ARHGAP42: variants seen among roughly 807,000 people sequenced by gnomAD.
ARHGAP42 encodes rho GTPase-activating protein 42.
ARHGAP42 carries 63 observed loss-of-function variants against 125.0 expected under a neutral mutation model. The ratio of observed to expected loss-of-function variants is 0.50; its 90% confidence interval spans 0.41 to 0.62. The LOEUF (loss-of-function observed/expected upper bound fraction) is 0.62. Among genes scored for constraint, ARHGAP42 ranks in the 20% least tolerant of loss-of-function variants. The probability of loss-of-function intolerance (pLI) is 0.00; values close to 1 mark genes in which losing one functional copy is unlikely to be tolerated. For synonymous variants in ARHGAP42, 339 were observed against 351.0 expected, an observed-to-expected ratio of 0.97 and a Z score of 0.38; for missense variants, 766 against 1,024.2, an observed-to-expected ratio of 0.75 and a Z score of 3.44.
chr11:100,752,674 A>AT (rs1482760240), intron 1 of ARHGAP42, among the ~76,000 whole-genome samples: 1 of 152,212 alleles, frequency 6.6e-6, no homozygotes, highest in African/African-American at 2.4e-5. Context: ...GCCAGCACCC[A>AT]TTCTGATGGG....
chr11:100,959,108 T>G (rs72999784), intron 12 of ARHGAP42, among the ~76,000 whole-genome samples: 11,200 of 152,022 alleles, frequency 0.074, 614 homozygotes, highest in Non-Finnish European at 0.11. Context: ...ATTTGTATCA[T>G]AGTTCAAAAA....
At chr11:100,895,377 C>G (rs964005377) in intron 4 of ARHGAP42, among the ~76,000 whole-genome samples, 6 of 152,222 alleles carry the variant, frequency 3.9e-5, no homozygotes, top group Middle Eastern at 6.8e-3. Context: ...GTATTTCTCT[C>G]TCTCCCATGT....
intron 3 of ARHGAP42, among the ~76,000 whole-genome samples, chr11:100,852,183 A>G (rs1273675529): frequency 6.6e-6 from 1 of 152,034 alleles, no homozygotes; most frequent in Non-Finnish European, 1.5e-5. Flanking sequence ...ATGCACAACT[A>G]CAATAAGTAA....
At chr11:100,714,818 C>CT (rs1861627323) in intron 1 of ARHGAP42, among the ~76,000 whole-genome samples, 1 of 151,834 alleles carries the variant, frequency 6.6e-6, no homozygotes, top group Non-Finnish European at 1.5e-5. Context: ...TCATTTCAGC[C>CT]TAGGAGTTCG....
chr11:100,933,120 C>A, intron 6 of ARHGAP42, 36 bp from the exon 7 acceptor site: 1 of 1,378,462 alleles, frequency 7.3e-7, no homozygotes, highest in Middle Eastern at 2.5e-4. Context: ...CATTAAAACA[C>A]ATTTTCATGG....
intron 1 of ARHGAP42, among the ~76,000 whole-genome samples, chr11:100,760,083 T>C (rs1212387257): frequency 3.9e-5 from 6 of 152,200 alleles, no homozygotes. Flanking sequence ...TAATTAAGTA[T>C]AGCCAGGAAG....
chr11:100,838,629 G>A (rs764537263), intron 3 of ARHGAP42, among the ~76,000 whole-genome samples: 2 of 151,864 alleles, frequency 1.3e-5, no homozygotes, highest in Admixed American at 1.3e-4. Flanking sequence ...GGAGGTCAAG[G>A]TTACAGTGAG....
intron 1 of ARHGAP42, among the ~76,000 whole-genome samples, chr11:100,723,773 T>C (rs1353168999): frequency 6.6e-6 from 1 of 152,134 alleles, no homozygotes. Flanking sequence ...TTATATTAGC[T>C]AGGATTTTTA....
chr11:100,741,037 A>C (rs756376246), intron 1 of ARHGAP42, among the ~76,000 whole-genome samples: 10 of 152,010 alleles, frequency 6.6e-5, no homozygotes, highest in Non-Finnish European at 1.0e-4. Flanking sequence ...TTATTTATTT[A>C]TTTCTTTTTT....
chr11:100,707,414 G>T (rs528937543), intron 1 of ARHGAP42, among the ~76,000 whole-genome samples: 1 of 152,072 alleles, frequency 6.6e-6, no homozygotes, highest in Non-Finnish European at 1.5e-5. Context: ...ATTATTTTTC[G>T]TAACAAATTC....
intron 14 of ARHGAP42, 116 bp downstream of exon 14, chr11:100,961,105 AT>A (rs1296175008): frequency 1.6e-5 from 10 of 631,312 alleles, no homozygotes; most frequent in Non-Finnish European, 2.5e-5. Flanking sequence ...TTTAAAGTTC[AT>A]ATATGTATTC....
rs1858785254 is a variant in ARHGAP42, at chr11:100,989,815, G to C, written c.*1014G>C. ...GAAATGTTCTTCTACAAATGAAAAA[G>C]ATGTTTAAAAACGTTACAAGGGAAG... On this transcript the variant is annotated 3_prime_UTR_variant, in exon 24 of 24. Coordinates refer to ENST00000298815, the MANE Select transcript of ARHGAP42 (RefSeq NM_152432.4). 1 of 152,118 alleles carries C rather than the reference G, an allele frequency of 6.6e-6. No individual in the cohort carries two copies. Among genetic ancestry groups the C allele is most frequent in the South Asian group, 2.1e-4 (1 of 4,830 alleles). The allele number at this position is 152,118 out of a possible 1,614,324, so 9.4% of individuals were successfully genotyped here.
chr11:100,921,491 T>C lies in ARHGAP42; in HGVS notation c.487-3T>C. ...GTAATCACCCTCTGGTTTTTCTCTT[T>C]AGGCAGATACACAAATTGACCGAGA... is the stretch of plus-strand genomic sequence containing the variant. On this transcript the variant is annotated splice_region_variant and splice_polypyrimidine_tract_variant and intron_variant, in intron 5 of 23. Coordinates refer to ENST00000298815, the MANE Select transcript of ARHGAP42 (RefSeq NM_152432.4). 2 of 1,538,612 alleles carry C rather than the reference T, an allele frequency of 1.3e-6. No homozygotes were observed. The highest frequency in any genetic ancestry group is 2.0e-5 in the Admixed American group (1 of 49,850).
At chr11:100,752,647 C>T (rs887559244) in intron 1 of ARHGAP42, among the ~76,000 whole-genome samples, 4 of 152,224 alleles carry the variant, frequency 2.6e-5, no homozygotes, top group Non-Finnish European at 5.9e-5. Context: ...CCTCAACCCT[C>T]TCAGCAGTGG....
At chr11:100,718,392 C>T (rs1861702050) in intron 1 of ARHGAP42, among the ~76,000 whole-genome samples, 1 of 152,146 alleles carries the variant, frequency 6.6e-6, no homozygotes, top group South Asian at 2.1e-4. Flanking sequence ...AAATGCATGC[C>T]TTTGACATAA....
rs1400738460 is a variant in ARHGAP42 at position 100,960,959 on chromosome 11, A to C, written c.1270A>C (p.Lys424Gln). 1 of 1,539,638 alleles carries C rather than the reference A, an allele frequency of 6.5e-7. No homozygotes were observed. Among genetic ancestry groups the C allele is most frequent in the Non-Finnish European group, 8.8e-7 (1 of 1,141,564 alleles). Residue 424 changes from lysine to glutamine, a missense_variant, in exon 14 of 24, where the codon AAA (lysine) becomes CAA (glutamine). By Grantham distance (53) the Lys-to-Gln change is moderately conservative (BLOSUM62 1). Around this residue, in one of 3 missense-constraint regions of ARHGAP42, gnomAD observed 455 missense variants for 636.5 expected, o/e 0.71. Transcript: ENST00000298815. ...GLYRIGGVNSKVQKLMNTTFS... is the reference protein window; with the variant it reads ...GLYRIGGVNSQVQKLMNTTFS... Reference sequence around the variant, plus strand: ...CTACCGAATAGGAGGAGTGAACTCCAAAGTTCAAAAACTCATGAATACCAC... The same window carrying C: ...CTACCGAATAGGAGGAGTGAACTCCCAAGTTCAAAAACTCATGAATACCAC...
rs559766357 is a variant in ARHGAP42 at position 100,731,445 on chromosome 11, G to A, written c.155-38898G>A. Among the ~76,000 whole-genome samples the A allele has an allele frequency of 1.4e-4, 22 of 152,162 alleles. No homozygotes were observed. In the South Asian group the frequency reaches 1.7e-3, roughly 12 times the overall value. ...ATTACAGGCGTGAGCCACTGTGCCC[G>A]GCCATCATTATATTCTTTTAAAGGT... On this transcript the variant is annotated intron_variant, in intron 1 of 23. Coordinates refer to ENST00000298815, the MANE Select transcript of ARHGAP42 (RefSeq NM_152432.4).
chr11:100,933,214 A>G lies in ARHGAP42; in HGVS notation c.656A>G (p.Gln219Arg), dbSNP rs1867634365. 1 of 1,550,926 alleles carries G rather than the reference A, an allele frequency of 6.4e-7. No homozygotes were observed. The highest frequency in any genetic ancestry group is 8.7e-7 in the Non-Finnish European group (1 of 1,146,778). Residue 219 changes from glutamine to arginine, a missense_variant, in exon 7 of 24, where the codon CAG becomes CGG. Physicochemically the swap from Gln to Arg is conservative, Grantham distance 43. Around this residue, in one of 3 missense-constraint regions of ARHGAP42, gnomAD observed 455 missense variants for 636.5 expected, o/e 0.71. Transcript: ENST00000298815. Reference protein sequence around the residue: ...TFYHEGYELAQEFAPYKQQLQ... With the variant: ...TFYHEGYELAREFAPYKQQLQ... The stretch of plus-strand genomic sequence containing the variant: ...TACCATGAGGGATATGAACTTGCCC[A>G]GGAATTTGCACCGTATAAGCAACAG...
chr11:100,759,094 C>A (rs1862641721), intron 1 of ARHGAP42, among the ~76,000 whole-genome samples: 1 of 152,084 alleles, frequency 6.6e-6, no homozygotes, highest in African/African-American at 2.4e-5. Context: ...TTTTATAAGG[C>A]AATGTTGAGA....
Sources: allele counts gnomAD v4.1 joint callset (sites outside exome capture counted in the v4.1 genomes callset), GRCh38; gene constraint gnomAD v4.1.1; regional missense constraint gnomAD v4.1.1; transcripts MANE v1.5; gene names NCBI Gene and HGNC (gene_info 2026-07-23, HGNC 2026-07-21).